The following SORCS3 variants were observed in gnomAD, a reference collection of about 807,000 sequenced individuals.
The protein encoded by SORCS3 is sortilin related VPS10 domain containing receptor 3, also known as VPS10 domain-containing receptor SorCS3.
In SORCS3, 57 loss-of-function variants were observed where a neutral mutation model predicts 146.3. That is an observed-to-expected ratio of 0.39 (90% CI 0.31 to 0.49). SORCS3 has a LOEUF of 0.49. Among genes scored for constraint, SORCS3 ranks in the 20% least tolerant of loss-of-function variants. SORCS3 has a pLI of 0.92. For missense variants in SORCS3, 1,341 were observed against 1,575.5 expected (o/e 0.85, Z 2.52); for synonymous variants, 653 against 618.5 (o/e 1.06, Z -0.83).
At chr10:105,257,178 T>C (rs1228912520) in intron 25 of SORCS3, among the ~76,000 whole-genome samples, 1 of 152,190 alleles carries the variant, frequency 6.6e-6, no homozygotes, top group Non-Finnish European at 1.5e-5. Context: ...AATCAATTTA[T>C]TATCTTCAAG....
At chr10:105,102,842 T>C (rs1341319476) in intron 6 of SORCS3, among the ~76,000 whole-genome samples, 1 of 136,534 alleles carries the variant, frequency 7.3e-6, no homozygotes, top group East Asian at 2.2e-4. Context: ...CAGGCTGGAG[T>C]ACCGTGGCGC....
chr10:105,167,002 C>A (rs1449420624), intron 12 of SORCS3, among the ~76,000 whole-genome samples: 1 of 152,130 alleles, frequency 6.6e-6, no homozygotes, highest in South Asian at 2.1e-4. Flanking sequence ...CTTCATGTAG[C>A]ATGCTGGTTC....
intron 14 of SORCS3, among the ~76,000 whole-genome samples, chr10:105,179,516 T>C (rs1488977126): frequency 6.6e-6 from 1 of 152,180 alleles, no homozygotes; most frequent in African/African-American, 2.4e-5. Flanking sequence ...GCATAATCAT[T>C]TTCTTATAGG....
chr10:104,771,659 A>G (rs999367478), intron 1 of SORCS3, among the ~76,000 whole-genome samples: 1 of 152,030 alleles, frequency 6.6e-6, no homozygotes, highest in Non-Finnish European at 1.5e-5. Context: ...AAAATATCCT[A>G]CTTCTCAGAT....
At chr10:105,092,957 T>C (rs893770754) in intron 6 of SORCS3, among the ~76,000 whole-genome samples, 1 of 152,168 alleles carries the variant, frequency 6.6e-6, no homozygotes, top group East Asian at 1.9e-4. Flanking sequence ...AACATTATGC[T>C]GAAAGTCCTA....
chr10:104,819,430 C>T (rs943154184), intron 1 of SORCS3, among the ~76,000 whole-genome samples: 28 of 152,186 alleles, frequency 1.8e-4, no homozygotes, highest in African/African-American at 6.8e-4. Context: ...CACTCTCCCA[C>T]CCACACACAT....
At chr10:104,923,965 A>G (rs2019113355) in intron 3 of SORCS3, among the ~76,000 whole-genome samples, 2 of 152,318 alleles carry the variant, frequency 1.3e-5, no homozygotes, top group South Asian at 2.1e-4. Flanking sequence ...AATGCTTCCA[A>G]TGAATTAACT....
At chr10:104,818,269 C>T (rs1421829377) in intron 1 of SORCS3, among the ~76,000 whole-genome samples, 1 of 152,126 alleles carries the variant, frequency 6.6e-6, no homozygotes, top group Non-Finnish European at 1.5e-5. Flanking sequence ...GTGTGTCTGA[C>T]CCAAGTTAAG....
At chr10:105,136,161 A>G (rs552868375) in intron 7 of SORCS3, among the ~76,000 whole-genome samples, 1 of 152,286 alleles carries the variant, frequency 6.6e-6, no homozygotes, top group East Asian at 1.9e-4. Context: ...AATTATTTAG[A>G]CGACATAGTT....
chr10:104,729,113 A>T (rs1160511949), intron 1 of SORCS3, among the ~76,000 whole-genome samples: 3 of 152,222 alleles, frequency 2.0e-5, no homozygotes, highest in African/African-American at 7.2e-5. Context: ...TAGGCAAAAG[A>T]TTCTATAATA....
intron 14 of SORCS3, among the ~76,000 whole-genome samples, chr10:105,187,136 AT>A (rs1366717397): frequency 6.6e-6 from 1 of 152,212 alleles, no homozygotes; most frequent in East Asian, 1.9e-4. Context: ...ATTTTTATTC[AT>A]TTTAGAAATC....
At chr10:105,016,836 T>TG (rs1369095670) in intron 4 of SORCS3, among the ~76,000 whole-genome samples, 35 of 152,104 alleles carry the variant, frequency 2.3e-4, no homozygotes, top group African/African-American at 8.2e-4. Flanking sequence ...GCTGGCCTAC[T>TG]CAAAACTCAC....
At chr10:104,722,439 C>CT (rs1047557408) in intron 1 of SORCS3, among the ~76,000 whole-genome samples, 8 of 150,712 alleles carry the variant, frequency 5.3e-5, no homozygotes, top group African/African-American at 1.5e-4. Flanking sequence ...CTAAAATTCT[C>CT]TTTTTTTGTT....
chr10:105,039,230 G>A (rs1314168738), intron 4 of SORCS3, among the ~76,000 whole-genome samples: 2 of 152,148 alleles, frequency 1.3e-5, no homozygotes, highest in Admixed American at 1.3e-4. Flanking sequence ...TTCAGACTCA[G>A]CAACTTACTG....
intron 1 of SORCS3, among the ~76,000 whole-genome samples, chr10:104,764,746 G>C (rs1468285351): frequency 6.6e-6 from 1 of 152,084 alleles, no homozygotes; most frequent in East Asian, 1.9e-4. Context: ...CACCCAGCAG[G>C]CTCTAGGAAT....
At chr10:105,178,949 G>A (rs886628570) in intron 14 of SORCS3, among the ~76,000 whole-genome samples, 1 of 152,082 alleles carries the variant, frequency 6.6e-6, no homozygotes, top group Admixed American at 6.6e-5. Context: ...TCGGTGGAAG[G>A]GTGTATGATC....
chr10:104,665,091 G>C (rs1032006143), intron 1 of SORCS3: 1 of 152,494 alleles, frequency 6.6e-6, no homozygotes. Flanking sequence ...GGATGGTTTG[G>C]TGCTGCCCAC....
chr10:104,888,552 C>CA lies in SORCS3; in HGVS notation c.696-27281_696-27280insA, dbSNP rs1554857380. 7.3e-3 allele frequency among the ~76,000 whole-genome samples: 1,106 copies of CA among 151,956 alleles called. 11 individuals carry two copies. Among genetic ancestry groups the CA allele is most frequent in the African/African-American group, 0.026 (1,064 of 41,404 alleles). On this transcript the variant is annotated intron_variant, in intron 2 of 26. Transcript: ENST00000369701. ...TTTTAACTACCTCTCCAGTACTCAC[C>CA]TTTTTTTTCTATGTTGACTCAAATA...
intron 14 of SORCS3, among the ~76,000 whole-genome samples, chr10:105,186,872 G>T (rs1326873729): frequency 7.1e-6 from 1 of 140,790 alleles, no homozygotes. Context: ...CAACAAGAGT[G>T]AGACTCCATC....
Sources: gnomAD v4.1 joint callset for allele counts (sites outside exome capture counted in the v4.1 genomes callset) on GRCh38, gnomAD v4.1.1 for gene constraint, MANE v1.5 for transcripts, NCBI Gene and HGNC (gene_info 2026-07-23, HGNC 2026-07-21) for gene names.